Variants in RGS22 observed in about 807,000 individuals in gnomAD.
RGS22 encodes regulator of G protein signaling 22.
A neutral mutation model predicts 172.9 loss-of-function variants in RGS22; 148 were observed. The ratio of observed to expected loss-of-function variants is 0.86; its 90% CI spans 0.75 to 0.98. The LOEUF (loss-of-function observed/expected upper bound fraction) is 0.98, where lower values mean the gene tolerates loss of function less well. Among genes scored for constraint, RGS22 ranks in the 50% least tolerant of loss-of-function variants. The probability of loss-of-function intolerance (pLI) is 0.00; values close to 1 mark genes in which losing one functional copy is unlikely to be tolerated. For missense variants in RGS22, 1,347 were observed against 1,440.8 expected, an observed-to-expected ratio of 0.93 and a Z score of 1.05; for synonymous variants, 458 against 480.2, an observed-to-expected ratio of 0.95 and a Z score of 0.60.
intron 20 of RGS22, among the ~76,000 whole-genome samples, chr8:99,990,838 G>T (rs981915667): frequency 2.6e-5 from 4 of 152,152 alleles, no homozygotes; most frequent in Non-Finnish European, 5.9e-5. Context: ...AGCCTAACTG[G>T]GAGACACCTC....
intron 14 of RGS22, among the ~76,000 whole-genome samples, chr8:100,015,826 T>C (rs1816889084): frequency 6.6e-6 from 1 of 152,202 alleles, no homozygotes; most frequent in African/African-American, 2.4e-5. Context: ...GGTTACTGTC[T>C]GCTACCTTTC....
At chr8:99,987,198 T>C (rs912857316) in intron 21 of RGS22, among the ~76,000 whole-genome samples, 1 of 152,170 alleles carries the variant, frequency 6.6e-6, no homozygotes, top group Admixed American at 6.6e-5. Flanking sequence ...TTTTGGAGCA[T>C]TTCAGGTTTC....
At chr8:100,009,857 T>C (rs2131376184) in intron 14 of RGS22, among the ~76,000 whole-genome samples, 1 of 152,326 alleles carries the variant, frequency 6.6e-6, no homozygotes, top group Non-Finnish European at 1.5e-5. Context: ...GACACCTGGC[T>C]AGGTGCTATG....
intron 6 of RGS22, among the ~76,000 whole-genome samples, chr8:100,069,898 C>T (rs894327378): frequency 5.9e-5 from 9 of 151,798 alleles, no homozygotes; most frequent in African/African-American, 1.7e-4. Flanking sequence ...CGTGGTGGCA[C>T]GTGCCTGTAA....
chr8:100,044,630 T>C (rs1820517346), intron 11 of RGS22, among the ~76,000 whole-genome samples: 1 of 151,832 alleles, frequency 6.6e-6, no homozygotes, highest in South Asian at 2.1e-4. Context: ...CCCTTTCTTT[T>C]TTTTTTTTTT....
At chr8:100,099,706 A>G (rs909588343) in intron 2 of RGS22, among the ~76,000 whole-genome samples, 27 of 152,242 alleles carry the variant, frequency 1.8e-4, no homozygotes, top group African/African-American at 6.5e-4. Context: ...TACTCAGAGT[A>G]AAGGATTCCA....
chr8:100,027,254 A>C (rs1240661798), intron 14 of RGS22, among the ~76,000 whole-genome samples: 1 of 151,948 alleles, frequency 6.6e-6, no homozygotes, highest in Non-Finnish European at 1.5e-5. Context: ...AAAGAGAGAG[A>C]CATTATTATC....
At position 100,045,932 on chromosome 8, in the gene RGS22, A is replaced by G. The variant is rs1486682102; in HGVS notation, c.1823+1531T>C. Among the ~76,000 whole-genome samples the G allele has an allele frequency of 2.6e-5, 4 of 152,004 alleles. No homozygotes were observed. The East Asian group carries it at 7.7e-4, about 29-fold the overall frequency. ...GTTTGTAACAGAAAAAAATAGAAAC[A>G]ATGTCACGTCCATCAATAGAGTACA... On this transcript the variant is annotated intron_variant, in intron 11 of 27. Coordinates refer to ENST00000360863, the MANE Select transcript of RGS22 (RefSeq NM_015668.5).
In RGS22 at chr8:100,016,633, C is replaced by T. The variant is rs543226262; in HGVS notation, c.2167-8064G>A. On this transcript the variant is annotated intron_variant, in intron 14 of 27. Coordinates refer to ENST00000360863, the MANE Select transcript of RGS22 (RefSeq NM_015668.5). ...TCTACTAAAAATACAAAAAATTAGCCGGGCATGGTGGCAGGCGCCTGTAGT... is the reference window on the plus strand; with the variant it reads ...TCTACTAAAAATACAAAAAATTAGCTGGGCATGGTGGCAGGCGCCTGTAGT... Among the ~76,000 whole-genome samples, 473 of 152,124 alleles carry T rather than the reference C, an allele frequency of 3.1e-3. 3 individuals carry two copies. The highest frequency in any genetic ancestry group is 5.5e-3 in the Non-Finnish European group (372 of 67,990).
chr8:100,019,646 A>G (rs1817385657), intron 14 of RGS22, among the ~76,000 whole-genome samples: 1 of 152,232 alleles, frequency 6.6e-6, no homozygotes, highest in Non-Finnish European at 1.5e-5. Flanking sequence ...TAGACTTCCA[A>G]TATCGTATTC....
chr8:100,070,049 C>CA (rs869191257), intron 6 of RGS22, among the ~76,000 whole-genome samples: 4 of 101,700 alleles, frequency 3.9e-5, no homozygotes, highest in Non-Finnish European at 7.3e-5. Context: ...AAAAAAAAAA[C>CA]AAAACAAAAC....
chr8:99,976,444 CTCCGCCTCCCGGGT>C (rs1484976348), intron 23 of RGS22, among the ~76,000 whole-genome samples: 2 of 152,160 alleles, frequency 1.3e-5, no homozygotes, highest in African/African-American at 2.4e-5. Context: ...TCACTGCAAG[CTCCGCCTCCCGGGT>C]TCACGCCATT....
chr8:100,069,519 C>T (rs1263826680), intron 6 of RGS22, among the ~76,000 whole-genome samples: 1 of 152,216 alleles, frequency 6.6e-6, no homozygotes, highest in Non-Finnish European at 1.5e-5. Context: ...CTCATACAAC[C>T]TCACATTTCT....
chr8:99,987,636 A>G lies in RGS22; in HGVS notation c.3019-17T>C, dbSNP rs753081407. 5 of 1,514,250 alleles carry G rather than the reference A, an allele frequency of 3.3e-6. No individual in the cohort carries two copies. The South Asian group carries it at 5.5e-5, about 17-fold the overall frequency. The allele number at this position is 1,514,250 out of a possible 1,614,324, so 93.8% of individuals were successfully genotyped here. A position where few individuals can be genotyped will look rare whatever the true frequency, so the allele number is the denominator to read the frequency against. On this transcript the variant is annotated splice_polypyrimidine_tract_variant and intron_variant, in intron 20 of 27. Coordinates refer to ENST00000360863, the MANE Select transcript of RGS22 (RefSeq NM_015668.5). ...CTCCACAGGCTGTCCAAAGCAGAGA[A>G]TATAGGAAATTAGCTCATTAATTAG...
At chr8:100,067,677 T>C (rs977978921) in intron 6 of RGS22, among the ~76,000 whole-genome samples, 2 of 148,986 alleles carry the variant, frequency 1.3e-5, no homozygotes, top group African/African-American at 4.9e-5. Context: ...CAGGCTGGAG[T>C]TCAATGGTGC....
Position 99,962,454 on chromosome 8 carries a change from C to A in RGS22, c.3791-11G>T. On this transcript the variant is annotated splice_polypyrimidine_tract_variant and intron_variant, in intron 26 of 27. Coordinates refer to ENST00000360863, the MANE Select transcript of RGS22 (RefSeq NM_015668.5). Reference sequence around the variant, plus strand: ...AAGAATGCTGTCACTCTGGAAAAGACATGAAGTTTTATGTATATATTTAGT... The same window carrying A: ...AAGAATGCTGTCACTCTGGAAAAGAAATGAAGTTTTATGTATATATTTAGT... 1.9e-6 allele frequency: 3 copies of A among 1,613,104 alleles called. No individual in the cohort carries two copies.
intron 23 of RGS22, among the ~76,000 whole-genome samples, chr8:99,977,020 G>C (rs1812029506): frequency 6.6e-6 from 1 of 152,128 alleles, no homozygotes; most frequent in African/African-American, 2.4e-5. Context: ...ACCAATGAAT[G>C]AATGAATGAA....
intron 21 of RGS22, among the ~76,000 whole-genome samples, chr8:99,986,707 A>G (rs746050863): frequency 1.1e-4 from 17 of 152,178 alleles, no homozygotes; most frequent in Non-Finnish European, 2.5e-4. Flanking sequence ...TTATTTTGTT[A>G]AGAATTTGGC....
intron 2 of RGS22, among the ~76,000 whole-genome samples, chr8:100,102,731 A>G (rs1002858157): frequency 1.3e-5 from 2 of 152,214 alleles, no homozygotes; most frequent in Admixed American, 6.5e-5. Context: ...CAAGGAGACA[A>G]GTGGGGTATA....
Sources: allele counts gnomAD v4.1 joint callset (sites outside exome capture counted in the v4.1 genomes callset), GRCh38; gene constraint gnomAD v4.1.1; transcripts MANE v1.5; gene names NCBI Gene and HGNC (gene_info 2026-07-23, HGNC 2026-07-21).